CHST9: variants seen among roughly 807,000 people sequenced by gnomAD.
CHST9 encodes the protein carbohydrate sulfotransferase 9, also known as GalNAc-4-sulfotransferase 2.
Under a neutral mutation model 44.4 loss-of-function variants are expected in CHST9, and 41 were observed. That is an observed-to-expected ratio of 0.92 (90% confidence interval 0.72 to 1.20). CHST9 has a LOEUF of 1.20. Ranked by LOEUF, CHST9 falls within the 50% of genes most tolerant of loss-of-function variation. The pLI is 0.00. For synonymous variants in CHST9, 171 were observed against 178.4 expected (o/e 0.96, Z 0.33); for missense variants, 504 against 516.5 (o/e 0.98, Z 0.23).
At chr18:27,097,771 G>A (rs1447727213) in intron 2 of CHST9, among the ~76,000 whole-genome samples, 1 of 152,050 alleles carries the variant, frequency 6.6e-6, no homozygotes, top group South Asian at 2.1e-4. Flanking sequence ...AAGATGTAAG[G>A]AAGGGGTCCA....
chr18:27,118,295 T>C (rs145930360), intron 2 of CHST9, among the ~76,000 whole-genome samples: 20 of 152,342 alleles, frequency 1.3e-4, no homozygotes, highest in South Asian at 6.2e-4. Flanking sequence ...GATAACAGTC[T>C]TATATTAGAT....
chr18:26,999,550 T>G (rs1452383625), intron 4 of CHST9, among the ~76,000 whole-genome samples: 1 of 152,136 alleles, frequency 6.6e-6, no homozygotes, highest in Non-Finnish European at 1.5e-5. Flanking sequence ...CCAAAAGTAA[T>G]TACATGTTTT....
Position 26,948,359 on chromosome 18 carries a change from G to A in CHST9, c.203-3993C>T, listed in dbSNP as rs555140164. Among the ~76,000 whole-genome samples the A allele has an allele frequency of 1.1e-3, 163 of 152,108 alleles. 1 individual carries two copies. The highest frequency in any genetic ancestry group is 1.6e-3 in the Non-Finnish European group (106 of 68,004). ...CATTATACCTATGTAACAAACCTGT[G>A]TGTTCTGCACATGCATCCCAGAACT... On this transcript the variant is annotated intron_variant, in intron 4 of 5. Coordinates refer to ENST00000618847, the MANE Select transcript of CHST9 (RefSeq NM_031422.6).
chr18:27,149,750 T>G (rs892884298), intron 1 of CHST9, among the ~76,000 whole-genome samples: 3 of 152,256 alleles, frequency 2.0e-5, no homozygotes, highest in Admixed American at 2.0e-4. Context: ...TAAATTCTTC[T>G]GAGCCATTTT....
intron 4 of CHST9, among the ~76,000 whole-genome samples, chr18:26,994,126 T>C (rs1458495457): frequency 6.6e-6 from 1 of 152,220 alleles, no homozygotes; most frequent in Non-Finnish European, 1.5e-5. Context: ...TATCTCTTTA[T>C]AGGCCTTATC....
At chr18:27,048,414 G>T (rs1422785966) in intron 3 of CHST9, 51 bp downstream of exon 3, 4 of 1,455,210 alleles carry the variant, frequency 2.7e-6, no homozygotes, top group African/African-American at 1.4e-5. Flanking sequence ...AAATTTAAAG[G>T]TGGAAATAAA....
At chr18:27,138,995 G>C (rs1373907614) in intron 2 of CHST9, among the ~76,000 whole-genome samples, 1 of 152,156 alleles carries the variant, frequency 6.6e-6, no homozygotes, top group Non-Finnish European at 1.5e-5. Flanking sequence ...ATGGTATTAT[G>C]GAACTCTATT....
At chr18:27,078,781 G>A (rs1226428637) in intron 2 of CHST9, among the ~76,000 whole-genome samples, 1 of 152,150 alleles carries the variant, frequency 6.6e-6, no homozygotes, top group Non-Finnish European at 1.5e-5. Context: ...GCCTCAGCTA[G>A]GAATGTACAC....
chr18:26,990,058 A>G (rs2056798491), intron 4 of CHST9, among the ~76,000 whole-genome samples: 1 of 152,244 alleles, frequency 6.6e-6, no homozygotes, highest in Non-Finnish European at 1.5e-5. Flanking sequence ...AAAACTACTC[A>G]GCCACAAAAA....
chr18:27,033,345 C>A (rs1159198788), intron 3 of CHST9, among the ~76,000 whole-genome samples: 1 of 152,182 alleles, frequency 6.6e-6, no homozygotes, highest in African/African-American at 2.4e-5. Flanking sequence ...AGTGGTCTGT[C>A]CTTTACCCCA....
chr18:27,033,712 A>G (rs2143504057), intron 3 of CHST9, among the ~76,000 whole-genome samples: 1 of 152,314 alleles, frequency 6.6e-6, no homozygotes, highest in East Asian at 1.9e-4. Flanking sequence ...AATGACAACT[A>G]TATTAGCACT....
chr18:26,992,298 A>C (rs2056826616), intron 4 of CHST9, among the ~76,000 whole-genome samples: 1 of 70,968 alleles, frequency 1.4e-5, no homozygotes, highest in African/African-American at 3.8e-5. Flanking sequence ...GAGCCTTCAG[A>C]CACAGAAAGT....
intron 5 of CHST9, among the ~76,000 whole-genome samples, chr18:26,918,047 A>T (rs543160396): frequency 1.4e-3 from 219 of 152,142 alleles, no homozygotes; most frequent in Non-Finnish European, 2.0e-3. Context: ...CTGCTCTATA[A>T]AACTGTATCA....
chr18:27,175,048 C>G (rs2058857973), intron 1 of CHST9, among the ~76,000 whole-genome samples: 1 of 152,074 alleles, frequency 6.6e-6, no homozygotes, highest in African/African-American at 2.4e-5. Context: ...GTATCTAAAA[C>G]ATAGTAAGTG....
chr18:27,015,571 A>T lies in CHST9; in HGVS notation c.202+8545T>A, dbSNP rs546190627. The stretch of plus-strand genomic sequence containing the variant: ...TCCTGGCGACTCTGTGTGGAGGGAT[A>T]CGTGCTAGCATATGTGTACATACTT... On this transcript the variant is annotated intron_variant, in intron 4 of 5. Coordinates refer to ENST00000618847, the MANE Select transcript of CHST9 (RefSeq NM_031422.6). Among the ~76,000 whole-genome samples, 17 of 152,232 alleles carry T rather than the reference A, an allele frequency of 1.1e-4. No individual in the cohort carries two copies. In the South Asian group the frequency reaches 3.5e-3, roughly 32 times the overall value.
intron 4 of CHST9, among the ~76,000 whole-genome samples, chr18:26,975,300 G>A (rs1568117046): frequency 1.3e-5 from 2 of 152,026 alleles, no homozygotes; most frequent in Non-Finnish European, 2.9e-5. Context: ...ATAAATGTAT[G>A]GCATACAAGT....
intron 1 of CHST9, among the ~76,000 whole-genome samples, chr18:27,147,369 CA>C (rs2058621327): frequency 6.6e-6 from 1 of 152,026 alleles, no homozygotes; most frequent in South Asian, 2.1e-4. Context: ...ACCCAGCAGA[CA>C]TTTATGATTT....
chr18:26,960,866 A>G (rs545484902), intron 4 of CHST9, among the ~76,000 whole-genome samples: 2 of 152,330 alleles, frequency 1.3e-5, no homozygotes, highest in East Asian at 3.9e-4. Context: ...TCTTCCTTCT[A>G]GTAATAATAA....
At chr18:27,153,168 C>G (rs75476114) in intron 1 of CHST9, among the ~76,000 whole-genome samples, 2,681 of 152,230 alleles carry the variant, frequency 0.018, 67 homozygotes, top group African/African-American at 0.059. Context: ...CCAGCTCCAG[C>G]CATGGGCCTG....
Sources: allele counts gnomAD v4.1 joint callset (sites outside exome capture counted in the v4.1 genomes callset), GRCh38; gene constraint gnomAD v4.1.1; transcripts MANE v1.5; gene names NCBI Gene and HGNC (gene_info 2026-07-23, HGNC 2026-07-21).